The following DLGAP2 variants were observed in gnomAD, a reference collection of about 807,000 sequenced individuals.
DLGAP2 encodes the protein DLG associated protein 2, also known as disks large-associated protein 2.
A neutral mutation model predicts 100.3 loss-of-function variants in DLGAP2; 26 were observed. The observed-to-expected ratio is 0.26, with a 90% CI of 0.19 to 0.36. The LOEUF is 0.36. Ranked by LOEUF, DLGAP2 falls within the 10% of genes least tolerant of loss-of-function variation. DLGAP2 has a pLI of 1.00. For missense variants in DLGAP2, 1,858 were observed against 1,453.2 expected (o/e 1.28, Z -4.53); for synonymous variants, 886 against 630.1 (o/e 1.41, Z -6.08).
intron 2 of DLGAP2, among the ~76,000 whole-genome samples, chr8:1,190,544 C>A (rs779141111): frequency 1.6e-4 from 24 of 152,178 alleles, no homozygotes; most frequent in African/African-American, 5.8e-4. Flanking sequence ...CTGGCCGCCC[C>A]GTCCTTGCTT....
chr8:1,442,330 G>C (rs950902832), intron 3 of DLGAP2, among the ~76,000 whole-genome samples: 1 of 151,186 alleles, frequency 6.6e-6, no homozygotes, highest in Admixed American at 6.6e-5. Flanking sequence ...TTCAGCCACT[G>C]GGGGAGATGG....
chr8:813,953 A>G (rs1796417560), intron 1 of DLGAP2, among the ~76,000 whole-genome samples: 2 of 152,308 alleles, frequency 1.3e-5, no homozygotes, highest in South Asian at 4.2e-4. Flanking sequence ...AAAGTACAGG[A>G]CATCTAAAGG....
At chr8:759,119 A>G (rs1314861608) in intron 1 of DLGAP2, among the ~76,000 whole-genome samples, 43 of 48,284 alleles carry the variant, frequency 8.9e-4, no homozygotes, top group Middle Eastern at 0.029. Flanking sequence ...CAGCCTTCCC[A>G]TTATCAATAC....
chr8:1,220,763 C>A (rs889579103), intron 2 of DLGAP2, among the ~76,000 whole-genome samples: 1 of 152,124 alleles, frequency 6.6e-6, no homozygotes, highest in Non-Finnish European at 1.5e-5. Flanking sequence ...CTGAGAAATT[C>A]TTTTATGAAT....
chr8:1,170,169 A>G (rs1414314609), intron 2 of DLGAP2, among the ~76,000 whole-genome samples: 2 of 152,162 alleles, frequency 1.3e-5, no homozygotes, highest in East Asian at 3.8e-4. Flanking sequence ...GGTTCTGTTT[A>G]TATGCTGGAT....
intron 4 of DLGAP2, among the ~76,000 whole-genome samples, chr8:1,537,207 G>T (rs1801182085): frequency 1.3e-5 from 2 of 152,134 alleles, no homozygotes; most frequent in South Asian, 2.1e-4. Flanking sequence ...GCATGCATAT[G>T]TGTGTACAAA....
In DLGAP2 at chr8:1,306,788, C is replaced by T. The variant is rs564327039; in HGVS notation, c.106+47905C>T. Among the ~76,000 whole-genome samples, 155 of 152,268 alleles carry T rather than the reference C, an allele frequency of 1.0e-3. 1 individual carries two copies. The highest frequency in any genetic ancestry group is 3.5e-3 in the African/African-American group (147 of 41,552). On this transcript the variant is annotated intron_variant, in intron 3 of 14. Coordinates refer to ENST00000637795, the MANE Select transcript of DLGAP2 (RefSeq NM_001346810.2). ...TTCTGATAAGGGTGCCAAGACCATT[C>T]AATGGAGAAGGAACAGTGTTTTCAA...
intron 4 of DLGAP2, among the ~76,000 whole-genome samples, chr8:1,508,650 A>G (rs78736564): frequency 0.019 from 2,876 of 149,064 alleles, 123 homozygotes; most frequent in African/African-American, 0.068. Context: ...GCTCCCAGAC[A>G]TACGTAGCAG....
At chr8:938,922 C>G (rs911045560) in intron 2 of DLGAP2, among the ~76,000 whole-genome samples, 4 of 152,214 alleles carry the variant, frequency 2.6e-5, no homozygotes, top group African/African-American at 9.7e-5. Flanking sequence ...GAGGATGAGA[C>G]CAAGGTATGA....
At chr8:1,597,299 C>T (rs997193406) in intron 6 of DLGAP2, among the ~76,000 whole-genome samples, 1 of 151,616 alleles carries the variant, frequency 6.6e-6, no homozygotes, top group African/African-American at 2.4e-5. Flanking sequence ...AGCTGGTGTT[C>T]TTTGTCAGCT....
chr8:1,508,686 G>A (rs1480827943), intron 4 of DLGAP2, among the ~76,000 whole-genome samples: 1 of 149,946 alleles, frequency 6.7e-6, no homozygotes, highest in Non-Finnish European at 1.5e-5. Context: ...GGAGTTGGAA[G>A]GAAAAATGGA....
intron 2 of DLGAP2, among the ~76,000 whole-genome samples, chr8:1,078,566 C>G (rs1407199212): frequency 3.6e-5 from 5 of 139,902 alleles, no homozygotes; most frequent in Non-Finnish European, 8.0e-5. Context: ...CCTGTTCCTC[C>G]CTCCCTCTCC....
intron 3 of DLGAP2, among the ~76,000 whole-genome samples, chr8:1,381,971 A>G (rs534082778): frequency 3.3e-5 from 5 of 152,298 alleles, no homozygotes; most frequent in Admixed American, 6.5e-5. Flanking sequence ...TTTAGATTAC[A>G]TTTATGCAAT....
intron 2 of DLGAP2, among the ~76,000 whole-genome samples, chr8:993,518 G>A (rs187398153): frequency 2.7e-5 from 4 of 147,944 alleles, no homozygotes; most frequent in Admixed American, 6.7e-5. Context: ...CCCCATACTC[G>A]GAGTTCCTGT....
chr8:1,304,582 G>C (rs1489914673), intron 3 of DLGAP2, among the ~76,000 whole-genome samples: 4 of 152,116 alleles, frequency 2.6e-5, no homozygotes, highest in Non-Finnish European at 2.9e-5. Flanking sequence ...AGTAGGATGA[G>C]AAAAAAGATG....
chr8:989,977 G>C (rs1055843643), intron 2 of DLGAP2, among the ~76,000 whole-genome samples: 5 of 152,036 alleles, frequency 3.3e-5, no homozygotes, highest in Admixed American at 3.3e-4. Flanking sequence ...TCTGAGGAAC[G>C]TATTCCTCAG....
At chr8:1,361,917 C>T (rs543072511) in intron 3 of DLGAP2, among the ~76,000 whole-genome samples, 1 of 152,216 alleles carries the variant, frequency 6.6e-6, no homozygotes, top group South Asian at 2.1e-4. Flanking sequence ...AACTGTGCTG[C>T]CCCAGCCTGG....
At chr8:1,640,600 C>G (rs1797874124) in intron 8 of DLGAP2, among the ~76,000 whole-genome samples, 1 of 152,098 alleles carries the variant, frequency 6.6e-6, no homozygotes, top group East Asian at 1.9e-4. Flanking sequence ...CAGCAAAGCT[C>G]CATGTTGCAA....
At chr8:1,320,823 G>A (rs1319968521) in intron 3 of DLGAP2, among the ~76,000 whole-genome samples, 3 of 152,104 alleles carry the variant, frequency 2.0e-5, no homozygotes, top group East Asian at 3.8e-4. Context: ...GCTGCCACCT[G>A]TGTGTGTCTG....
Sources: gnomAD v4.1 joint callset for allele counts (sites outside exome capture counted in the v4.1 genomes callset) on GRCh38, gnomAD v4.1.1 for gene constraint, MANE v1.5 for transcripts, NCBI Gene and HGNC (gene_info 2026-07-23, HGNC 2026-07-21) for gene names.